Variants in C1GALT1 observed in about 807,000 individuals in gnomAD.
C1GALT1 encodes glycoprotein-N-acetylgalactosamine 3-beta-galactosyltransferase 1.
In C1GALT1, 11 loss-of-function variants were observed where a neutral mutation model predicts 31.0. The observed-to-expected ratio is 0.36, with a 90% CI of 0.22 to 0.59. The LOEUF is 0.59. Ranked by LOEUF, C1GALT1 falls within the 20% of genes least tolerant of loss-of-function variation. C1GALT1 has a pLI of 0.79. For missense variants in C1GALT1, 424 were observed against 425.2 expected (o/e 1.00, Z 0.03); for synonymous variants, 175 against 143.6 (o/e 1.22, Z -1.56).
At chr7:7,216,825 C>A (rs1161947892) in intron 1 of C1GALT1, among the ~76,000 whole-genome samples, 1 of 152,156 alleles carries the variant, frequency 6.6e-6, no homozygotes, top group Non-Finnish European at 1.5e-5. Context: ...CAGAAGAGTC[C>A]TAGAGCCTGA....
rs1783876032 is a variant in C1GALT1 at position 7,247,053 on chromosome 7, AACAT to A, written c.*3332_*3335del. 6.6e-6 allele frequency: 1 copy of A among 152,312 alleles called. No homozygotes were observed. The highest frequency in any genetic ancestry group is 6.5e-5 in the Admixed American group (1 of 15,298). 9.4% of individuals were successfully genotyped at this position (152,312 alleles called of 1,614,324 possible). A position where few individuals can be genotyped will look rare whatever the true frequency, so the allele number is the denominator to read the frequency against. On this transcript the variant is annotated 3_prime_UTR_variant, in exon 4 of 4. Coordinates refer to ENST00000436587, the MANE Select transcript of C1GALT1 (RefSeq NM_020156.5). ...ACTAATAAGTACATAATTTATTAAAAACATACATAAGTGTCATCAAAAAGGTCCA... is the reference window on the plus strand; with the variant it reads ...ACTAATAAGTACATAATTTATTAAAAACATAAGTGTCATCAAAAAGGTCCA...
chr7:7,208,660 A>C (rs563066750), intron 1 of C1GALT1, among the ~76,000 whole-genome samples: 3 of 152,352 alleles, frequency 2.0e-5, no homozygotes, highest in African/African-American at 7.2e-5. Context: ...GTACAACCAC[A>C]ATGGCTGCCA....
Position 7,239,314 on chromosome 7 carries a change from T to G in C1GALT1, c.888+392T>G, listed in dbSNP as rs1260328695. Among the ~76,000 whole-genome samples, 13 of 151,902 alleles carry G rather than the reference T, an allele frequency of 8.6e-5. No homozygotes were observed. The South Asian group carries it at 2.7e-3, about 32-fold the overall frequency. ...TAAGGGGATGGAGAGTGACCCAGAG[T>G]GGGATGGAGTCCTCTGGTTTGGGTG... On this transcript the variant is annotated intron_variant, in intron 3 of 3. Coordinates refer to ENST00000436587, the MANE Select transcript of C1GALT1 (RefSeq NM_020156.5).
At chr7:7,222,508 T>TA (rs1461587263) in intron 1 of C1GALT1, among the ~76,000 whole-genome samples, 1 of 152,218 alleles carries the variant, frequency 6.6e-6, no homozygotes, top group Non-Finnish European at 1.5e-5. Flanking sequence ...TTGAGGTTTT[T>TA]ATGTTTAATA....
intron 2 of C1GALT1, among the ~76,000 whole-genome samples, chr7:7,160,648 A>C (rs1241520529): frequency 1.3e-5 from 2 of 152,150 alleles, no homozygotes. Context: ...AGACAGAAGT[A>C]AGGTTGGTTC....
chr7:7,220,117 G>C (rs1160783620), intron 1 of C1GALT1, among the ~76,000 whole-genome samples: 2 of 152,096 alleles, frequency 1.3e-5, no homozygotes. Context: ...GTAAAAAGAG[G>C]GGAATGTGCT....
At position 7,244,201 on chromosome 7, in the gene C1GALT1, A is replaced by T. The variant is rs1783755264; in HGVS notation, c.*474A>T. The stretch of plus-strand genomic sequence containing the variant: ...TTATATTTGCAGTATGCTATAAATG[A>T]TACCCCCCTACCACACCCACACACA... On this transcript the variant is annotated 3_prime_UTR_variant, in exon 4 of 4. Transcript: ENST00000436587. 6.6e-6 allele frequency: 1 copy of T among 152,516 alleles called. No homozygotes were observed. Among genetic ancestry groups the T allele is most frequent in the African/African-American group, 2.4e-5 (1 of 41,448 alleles). The allele number at this position is 152,516 out of a possible 1,614,324, so 9.4% of individuals were successfully genotyped here. A position where few individuals can be genotyped will look rare whatever the true frequency, so the allele number is the denominator to read the frequency against.
intron 1 of C1GALT1, among the ~76,000 whole-genome samples, chr7:7,207,096 G>A (rs573113563): frequency 6.6e-6 from 1 of 151,992 alleles, no homozygotes; most frequent in East Asian, 1.9e-4. Flanking sequence ...CCTACTTGAT[G>A]GTGTCACAAG....
In C1GALT1 at chr7:7,246,663, A is replaced by G. The variant is rs980889933; in HGVS notation, c.*2936A>G. ...TCAGATCAGATCTACTAAATCAGAT[A>G]CTCTAGGGGCAGGGGCAGGGGCAGG... On this transcript the variant is annotated 3_prime_UTR_variant, in exon 4 of 4. Coordinates refer to ENST00000436587, the MANE Select transcript of C1GALT1 (RefSeq NM_020156.5). 2 of 152,596 alleles carry G rather than the reference A, an allele frequency of 1.3e-5. No homozygotes were observed. Among genetic ancestry groups the G allele is most frequent in the African/African-American group, 4.8e-5 (2 of 41,380 alleles). The allele number at this position is 152,596 out of a possible 1,614,324, so 9.5% of individuals were successfully genotyped here. A position where few individuals can be genotyped will look rare whatever the true frequency, so the allele number is the denominator to read the frequency against.
At chr7:7,200,255 G>A (rs1413227384) in intron 1 of C1GALT1, among the ~76,000 whole-genome samples, 6 of 152,148 alleles carry the variant, frequency 3.9e-5, no homozygotes, top group Non-Finnish European at 5.9e-5. Flanking sequence ...AAATCTCTCA[G>A]CATTTGCTTG....
rs143104903 is a variant in C1GALT1, at chr7:7,230,798, C to T, written c.-17-3505C>T. Among the ~76,000 whole-genome samples, 264 of 151,278 alleles carry T rather than the reference C, an allele frequency of 1.7e-3. 1 individual carries two copies. The highest frequency in any genetic ancestry group is 2.1e-3 in the East Asian group (11 of 5,158). On this transcript the variant is annotated intron_variant, in intron 1 of 3. Transcript: ENST00000436587. ...TTTTTTTTTTTAAACAACTCCTGGA[C>T]AGTGAAATGACTTTAGAGCTCTTAA...
intron 1 of C1GALT1, among the ~76,000 whole-genome samples, chr7:7,190,002 AGT>A (rs200878361): frequency 1.1e-4 from 16 of 150,058 alleles, no homozygotes; most frequent in African/African-American, 3.3e-4. Flanking sequence ...TTTTCCATAG[AGT>A]CTTTATTTCA....
rs1309548059 is a variant in C1GALT1 at position 7,247,029 on chromosome 7, C to A, written c.*3302C>A. ...TGAGGCAGGAAGGGCTCATTAAGTA[C>A]TAATAAGTACATAATTTATTAAAAA... On this transcript the variant is annotated 3_prime_UTR_variant, in exon 4 of 4. Transcript: ENST00000436587. 1 of 151,954 alleles carries A rather than the reference C, an allele frequency of 6.6e-6. No homozygotes were observed. Among genetic ancestry groups the A allele is most frequent in the Non-Finnish European group, 1.5e-5 (1 of 67,980 alleles). 9.4% of individuals were successfully genotyped at this position (151,954 alleles called of 1,614,324 possible).
In C1GALT1 at chr7:7,248,234, A is replaced by G. The variant is rs557287507; in HGVS notation, c.*4507A>G. On this transcript the variant is annotated 3_prime_UTR_variant, in exon 4 of 4. Transcript: ENST00000436587. ...AAGGAATTTTACAAATTCTCTTTAG[A>G]GCAACCAACATTAAAGTTTTAGAGT... is the stretch of plus-strand genomic sequence containing the variant. 6.6e-6 allele frequency: 1 copy of G among 152,112 alleles called. No individual in the cohort carries two copies. Among genetic ancestry groups the G allele is most frequent in the South Asian group, 2.1e-4 (1 of 4,832 alleles). The allele number at this position is 152,112 out of a possible 1,614,324, so 9.4% of individuals were successfully genotyped here.
At chr7:7,195,604 T>C (rs1198767842) in intron 1 of C1GALT1, among the ~76,000 whole-genome samples, 1 of 152,188 alleles carries the variant, frequency 6.6e-6, no homozygotes, top group Non-Finnish European at 1.5e-5. Flanking sequence ...TGGTCTGTTT[T>C]GGAGAAGGAT....
intron 2 of C1GALT1, 93 bp downstream of exon 2, chr7:7,234,632 A>C: frequency 1.2e-6 from 1 of 860,198 alleles, no homozygotes; most frequent in Non-Finnish European, 1.8e-6. Context: ...AAAATGGGCT[A>C]TATATTCCAG....
chr7:7,161,679 T>G (rs1293743293), intron 2 of C1GALT1, among the ~76,000 whole-genome samples: 3 of 152,078 alleles, frequency 2.0e-5, no homozygotes, highest in Non-Finnish European at 4.4e-5. Context: ...TAGATAGTAG[T>G]TAGTAAATAG....
intron 1 of C1GALT1, among the ~76,000 whole-genome samples, chr7:7,218,069 G>A (rs1782329455): frequency 6.6e-6 from 1 of 152,146 alleles, no homozygotes; most frequent in Admixed American, 6.6e-5. Context: ...AAATTTGATG[G>A]GATAGTATTA....
chr7:7,219,681 A>G (rs1374919251), intron 1 of C1GALT1, among the ~76,000 whole-genome samples: 1 of 152,226 alleles, frequency 6.6e-6, no homozygotes, highest in East Asian at 1.9e-4. Flanking sequence ...ATTAAACTCA[A>G]TTTAGAAAAA....
Sources: gnomAD v4.1 joint callset for allele counts (sites outside exome capture counted in the v4.1 genomes callset) on GRCh38, gnomAD v4.1.1 for gene constraint, MANE v1.5 for transcripts, NCBI Gene and HGNC (gene_info 2026-07-23, HGNC 2026-07-21) for gene names.